MAGI2: variants seen among roughly 807,000 people sequenced by gnomAD.
The protein encoded by MAGI2 is membrane-associated guanylate kinase, WW and PDZ domain-containing protein 2.
Under a neutral mutation model 133.3 loss-of-function variants are expected in MAGI2, and 35 were observed. That is an observed-to-expected ratio of 0.26 (90% confidence interval 0.20 to 0.35). MAGI2 has a LOEUF of 0.35. Ranked by LOEUF, MAGI2 falls within the 10% of genes least tolerant of loss-of-function variation. MAGI2 has a pLI of 1.00. For synonymous variants in MAGI2, 729 were observed against 710.6 expected (o/e 1.03, Z -0.41); for missense variants, 1,636 against 1,863.4 (o/e 0.88, Z 2.25).
At chr7:78,682,618 A>G (rs1815812086) in intron 2 of MAGI2, among the ~76,000 whole-genome samples, 1 of 152,090 alleles carries the variant, frequency 6.6e-6, no homozygotes, top group Non-Finnish European at 1.5e-5. Context: ...TATCCAGTCT[A>G]TCATTGATGG....
At chr7:78,103,001 T>C (rs1425111123) in intron 20 of MAGI2, among the ~76,000 whole-genome samples, 2 of 152,204 alleles carry the variant, frequency 1.3e-5, no homozygotes. Context: ...TAGGGCCATG[T>C]CTTCTGTCCT....
At chr7:78,797,239 G>A (rs954974523) in intron 2 of MAGI2, among the ~76,000 whole-genome samples, 1 of 151,850 alleles carries the variant, frequency 6.6e-6, no homozygotes, top group Non-Finnish European at 1.5e-5. Flanking sequence ...AATATCATAT[G>A]TACCCCCACA....
chr7:78,791,340 T>C (rs937375036), intron 2 of MAGI2, among the ~76,000 whole-genome samples: 4 of 152,318 alleles, frequency 2.6e-5, no homozygotes, highest in Non-Finnish European at 4.4e-5. Context: ...TTTTCCCTTA[T>C]ATTGGAGAAA....
chr7:78,707,110 C>A (rs2151165844), intron 2 of MAGI2, among the ~76,000 whole-genome samples: 1 of 152,144 alleles, frequency 6.6e-6, no homozygotes, highest in Middle Eastern at 3.4e-3. Context: ...ACCTCAAGAG[C>A]CACACCCTTA....
chr7:78,510,147 T>C (rs1342982052), intron 4 of MAGI2, among the ~76,000 whole-genome samples: 1 of 152,218 alleles, frequency 6.6e-6, no homozygotes, highest in East Asian at 1.9e-4. Flanking sequence ...TGTAAACTTT[T>C]TTTACGTTTC....
intron 2 of MAGI2, among the ~76,000 whole-genome samples, chr7:78,997,005 G>A (rs534663140): frequency 1.1e-4 from 17 of 152,034 alleles, no homozygotes; most frequent in Non-Finnish European, 2.5e-4. Flanking sequence ...AAAATGACAA[G>A]GTAAATCAGA....
chr7:78,660,411 A>G (rs1038917784), intron 2 of MAGI2, among the ~76,000 whole-genome samples: 1 of 146,120 alleles, frequency 6.8e-6, no homozygotes, highest in African/African-American at 2.5e-5. Context: ...GAACTATTTT[A>G]TAGTGCTTCT....
intron 10 of MAGI2, among the ~76,000 whole-genome samples, chr7:78,219,923 C>T (rs536010261): frequency 2.0e-5 from 3 of 152,300 alleles, no homozygotes; most frequent in African/African-American, 4.8e-5. Flanking sequence ...CTGTCCTGCC[C>T]AATCCATTCT....
intron 2 of MAGI2, among the ~76,000 whole-genome samples, chr7:78,738,403 A>T (rs1214297162): frequency 6.6e-6 from 1 of 152,026 alleles, no homozygotes; most frequent in Admixed American, 6.6e-5. Context: ...ATATAATTCT[A>T]ATTTAGGGTA....
chr7:78,519,545 T>C (rs959960077), intron 4 of MAGI2, among the ~76,000 whole-genome samples: 1 of 152,110 alleles, frequency 6.6e-6, no homozygotes, highest in Non-Finnish European at 1.5e-5. Flanking sequence ...ATGGCTAGGG[T>C]TGATCAAGAA....
chr7:78,829,306 A>G (rs1790932648), intron 2 of MAGI2, among the ~76,000 whole-genome samples: 2 of 152,030 alleles, frequency 1.3e-5, no homozygotes, highest in African/African-American at 4.8e-5. Context: ...GGCAAAACAT[A>G]TGCCTTTTTT....
intron 20 of MAGI2, among the ~76,000 whole-genome samples, chr7:78,081,974 G>A (rs2151193342): frequency 6.6e-6 from 1 of 152,312 alleles, no homozygotes; most frequent in Admixed American, 6.5e-5. Context: ...GAATATATTG[G>A]TGAATGAGTG....
chr7:78,702,434 T>G (rs1818175090), intron 2 of MAGI2, among the ~76,000 whole-genome samples: 1 of 151,978 alleles, frequency 6.6e-6, no homozygotes, highest in African/African-American at 2.4e-5. Flanking sequence ...TTTTATCTTG[T>G]TTATAGTCAC....
At chr7:79,317,097 A>G (rs140815180) in intron 1 of MAGI2, among the ~76,000 whole-genome samples, 7,537 of 137,786 alleles carry the variant, frequency 0.055, 632 homozygotes, top group African/African-American at 0.19. Context: ...ATCTCGGCTC[A>G]CTGCAACTTC....
intron 13 of MAGI2, among the ~76,000 whole-genome samples, chr7:78,183,795 T>C (rs1827424688): frequency 6.6e-6 from 1 of 152,114 alleles, no homozygotes; most frequent in Admixed American, 6.6e-5. Context: ...TTTGAACTCC[T>C]GGGCTCAAGC....
At chr7:78,861,749 T>C (rs1289322036) in intron 2 of MAGI2, among the ~76,000 whole-genome samples, 2 of 152,240 alleles carry the variant, frequency 1.3e-5, no homozygotes, top group East Asian at 1.9e-4. Context: ...TTGGATACTA[T>C]AAAATGTCAC....
chr7:79,443,631 T>C (rs981140439), intron 1 of MAGI2, among the ~76,000 whole-genome samples: 1 of 152,132 alleles, frequency 6.6e-6, no homozygotes, highest in Non-Finnish European at 1.5e-5. Context: ...AAATGCAAAA[T>C]GTTAAAAATG....
intron 1 of MAGI2, among the ~76,000 whole-genome samples, chr7:79,443,449 G>A (rs540835185): frequency 2.6e-5 from 4 of 152,066 alleles, no homozygotes; most frequent in Admixed American, 2.0e-4. Flanking sequence ...TTCACAAAAA[G>A]CAACATTGGA....
intron 9 of MAGI2, among the ~76,000 whole-genome samples, chr7:78,314,539 C>T (rs1293795229): frequency 6.6e-6 from 1 of 152,138 alleles, no homozygotes; most frequent in Non-Finnish European, 1.5e-5. Flanking sequence ...CCCTAAGGAG[C>T]AATGATCCAG....
Sources: allele counts gnomAD v4.1 joint callset (sites outside exome capture counted in the v4.1 genomes callset), GRCh38; gene constraint gnomAD v4.1.1; transcripts MANE v1.5; gene names NCBI Gene and HGNC (gene_info 2026-07-23, HGNC 2026-07-21).